The following FAM135A variants were observed in gnomAD, a reference collection of about 807,000 sequenced individuals.
FAM135A encodes the protein protein FAM135A.
A neutral mutation model predicts 146.8 loss-of-function variants in FAM135A; 79 were observed. The observed-to-expected ratio is 0.54, with a 90% confidence interval of 0.45 to 0.65. FAM135A has a LOEUF of 0.65. Ranked by LOEUF, FAM135A falls within the 30% of genes least tolerant of loss-of-function variation. FAM135A has a pLI of 0.00. For synonymous variants in FAM135A, 562 were observed against 603.6 expected (o/e 0.93, Z 1.01); for missense variants, 1,623 against 1,758.2 (o/e 0.92, Z 1.38).
intron 16 of FAM135A, among the ~76,000 whole-genome samples, chr6:70,532,296 T>C (rs1795982693): frequency 6.6e-6 from 1 of 152,234 alleles, no homozygotes; most frequent in Non-Finnish European, 1.5e-5. Context: ...GTAGTTTTTT[T>C]TATGATGCAT....
intron 12 of FAM135A, among the ~76,000 whole-genome samples, chr6:70,520,078 T>C (rs1319032330): frequency 6.6e-6 from 1 of 150,778 alleles, no homozygotes; most frequent in Non-Finnish European, 1.5e-5. Flanking sequence ...AATTCTAGGC[T>C]TTTTTTTTAA....
At position 70,475,514 on chromosome 6, in the gene FAM135A, A is replaced by C; in HGVS notation, c.262A>C (p.Ile88Leu). ...AGAGGTTGTTTTAAATGATGTTATGATCTTCAAAGTAAAAATGCTATTGGA... is the reference window on the plus strand; with the variant it reads ...AGAGGTTGTTTTAAATGATGTTATGCTCTTCAAAGTAAAAATGCTATTGGA... ...NEEVVLNDVM[I>L]FKVKMLLDER... The change falls in exon 6 of 22, where the codon ATC (isoleucine) becomes CTC (leucine). Residue 88 changes from isoleucine to leucine, a missense_variant. Coordinates refer to ENST00000418814, the MANE Select transcript of FAM135A (RefSeq NM_001162529.3). 6.2e-7 allele frequency: 1 copy of C among 1,601,768 alleles called. No homozygotes were observed. The highest frequency in any genetic ancestry group is 8.5e-7 in the Non-Finnish European group (1 of 1,174,612).
intron 5 of FAM135A, among the ~76,000 whole-genome samples, chr6:70,470,050 A>T (rs572395215): frequency 6.6e-6 from 1 of 152,108 alleles, no homozygotes; most frequent in Non-Finnish European, 1.5e-5. Context: ...TGCATATTAT[A>T]TGATGGATCA....
chr6:70,449,527 T>C (rs550025749), intron 4 of FAM135A, among the ~76,000 whole-genome samples: 16 of 152,332 alleles, frequency 1.1e-4, no homozygotes, highest in African/African-American at 3.4e-4. Flanking sequence ...GCCTGGCTTA[T>C]TTCACTTTGC....
chr6:70,515,032 T>C (rs1050560210), intron 12 of FAM135A, among the ~76,000 whole-genome samples: 1 of 152,216 alleles, frequency 6.6e-6, no homozygotes, highest in African/African-American at 2.4e-5. Flanking sequence ...CGTTATCATA[T>C]GTTATTAGAG....
At chr6:70,520,844 A>G (rs1793404195) in intron 12 of FAM135A, among the ~76,000 whole-genome samples, 1 of 152,206 alleles carries the variant, frequency 6.6e-6, no homozygotes, top group Non-Finnish European at 1.5e-5. Context: ...CAGCATGATA[A>G]TTATGCTGAG....
chr6:70,449,393 TCTC>T (rs1447960452), intron 4 of FAM135A, among the ~76,000 whole-genome samples: 1 of 152,164 alleles, frequency 6.6e-6, no homozygotes, highest in Non-Finnish European at 1.5e-5. Context: ...TTGACTAACA[TCTC>T]CTCTTTTCCC....
At chr6:70,445,339 A>C (rs539945359) in intron 4 of FAM135A, among the ~76,000 whole-genome samples, 1 of 147,220 alleles carries the variant, frequency 6.8e-6, no homozygotes, top group Non-Finnish European at 1.5e-5. Context: ...TTGGTATGGA[A>C]TATTTAGATA....
chr6:70,451,894 T>C (rs1177084461), intron 4 of FAM135A, among the ~76,000 whole-genome samples: 1 of 152,074 alleles, frequency 6.6e-6, no homozygotes, highest in Non-Finnish European at 1.5e-5. Flanking sequence ...AGTCATATTA[T>C]AGTTTTTACC....
At chr6:70,500,056 A>G (rs894431689) in intron 11 of FAM135A, among the ~76,000 whole-genome samples, 3 of 152,194 alleles carry the variant, frequency 2.0e-5, no homozygotes, top group Non-Finnish European at 4.4e-5. Context: ...TCTCCTGGAT[A>G]AAATCCTGAA....
chr6:70,418,154 G>A (rs1036583582), intron 2 of FAM135A, among the ~76,000 whole-genome samples: 2 of 152,102 alleles, frequency 1.3e-5, no homozygotes, highest in African/African-American at 2.4e-5. Flanking sequence ...GCCCTTTAGT[G>A]TAATGATTCT....
intron 2 of FAM135A, among the ~76,000 whole-genome samples, chr6:70,426,103 C>A (rs1770049457): frequency 6.8e-6 from 1 of 146,130 alleles, no homozygotes; most frequent in Non-Finnish European, 1.5e-5. Context: ...GAGCGAGACT[C>A]CGTCTCAAAA....
intron 4 of FAM135A, among the ~76,000 whole-genome samples, chr6:70,436,877 T>C (rs1341133945): frequency 6.6e-6 from 1 of 151,910 alleles, no homozygotes; most frequent in African/African-American, 2.4e-5. Flanking sequence ...AAATTAACTG[T>C]GGGAAAAAAA....
At chr6:70,520,123 C>G (rs1793235320) in intron 12 of FAM135A, among the ~76,000 whole-genome samples, 1 of 151,798 alleles carries the variant, frequency 6.6e-6, no homozygotes. Context: ...CTCATCATTT[C>G]TTGTAACTGC....
intron 2 of FAM135A, among the ~76,000 whole-genome samples, chr6:70,422,594 G>A (rs1241395734): frequency 6.6e-6 from 1 of 152,172 alleles, no homozygotes; most frequent in Non-Finnish European, 1.5e-5. Context: ...GGATACAAGA[G>A]TAAGAGTGGA....
chr6:70,497,077 A>G (rs1050452790), intron 11 of FAM135A, among the ~76,000 whole-genome samples: 3 of 152,148 alleles, frequency 2.0e-5, no homozygotes, highest in Admixed American at 6.5e-5. Flanking sequence ...ATAGCATTGA[A>G]TCTATAAATT....
chr6:70,419,952 G>T (rs978086694), intron 2 of FAM135A, among the ~76,000 whole-genome samples: 3 of 152,174 alleles, frequency 2.0e-5, no homozygotes, highest in Admixed American at 1.3e-4. Context: ...CTAACATGAG[G>T]CCTAAGGGAT....
At chr6:70,444,876 C>T (rs981493505) in intron 4 of FAM135A, among the ~76,000 whole-genome samples, 3 of 152,136 alleles carry the variant, frequency 2.0e-5, no homozygotes, top group Non-Finnish European at 4.4e-5. Flanking sequence ...ATTGACATAG[C>T]ATCTTATTCT....
chr6:70,453,859 G>A (rs1471319239), intron 5 of FAM135A, among the ~76,000 whole-genome samples: 1 of 152,122 alleles, frequency 6.6e-6, no homozygotes, highest in Non-Finnish European at 1.5e-5. Flanking sequence ...ATTGTGAATA[G>A]TGCCGCAATA....
Sources: gnomAD v4.1 joint callset for allele counts (sites outside exome capture counted in the v4.1 genomes callset) on GRCh38, gnomAD v4.1.1 for gene constraint, MANE v1.5 for transcripts, NCBI Gene and HGNC (gene_info 2026-07-23, HGNC 2026-07-21) for gene names.